Variants in PUDP observed in about 807,000 individuals in gnomAD.
PUDP encodes pseudouridine-5'-phosphatase.
PUDP carries 8 observed loss-of-function variants against 9.4 expected under a neutral mutation model. The ratio of observed to expected loss-of-function variants is 0.85; its 90% CI spans 0.50 to 1.53. The LOEUF (loss-of-function observed/expected upper bound fraction) is 1.53. Ranked by LOEUF, PUDP falls within the 40% of genes most tolerant of loss-of-function variation. The pLI, the probability that PUDP is intolerant of heterozygous loss-of-function variation, is 0.00. For synonymous variants in PUDP, 99 were observed against 80.7 expected (o/e 1.23, Z -1.22); for missense variants, 188 against 189.7 (o/e 0.99, Z 0.05).
At chrX:7,055,206 C>T (rs1422481723) in intron 3 of PUDP, among the ~76,000 whole-genome samples, 2 of 111,173 alleles carry the variant, frequency 1.8e-5, no homozygotes, top group Non-Finnish European at 3.8e-5. Flanking sequence ...CTACTGTGTC[C>T]TGAAGCACCT....
At position 7,105,648 on chromosome X, in the gene PUDP, T is replaced by C. The variant is rs758643472; in HGVS notation, c.252A>G (p.Glu84=). 1.1e-5 allele frequency: 13 copies of C among 1,207,300 alleles called. No individual in the cohort carries two copies. Among genetic ancestry groups the C allele is most frequent in the Non-Finnish European group, 1.2e-5 (11 of 894,169 alleles). The change falls in exon 2 of 4, where the codon GAA becomes GAG. Residue 84 remains glutamate, a synonymous_variant. Coordinates refer to ENST00000381077, the MANE Select transcript of PUDP (RefSeq NM_012080.5). Reference sequence around the variant, plus strand: ...GCATGAGCGCAGCCGTGGGGAACACTTCCTTTAACTTCGTTTGGCTTTCTT... The same window carrying C: ...GCATGAGCGCAGCCGTGGGGAACACCTCCTTTAACTTCGTTTGGCTTTCTT... ...LVEESQTKLK[E]VFPTAALMPG... is the part of the protein sequence containing the mutation.
chrX:6,953,520 GC>G (rs1056982063), intron 3 of PUDP, among the ~76,000 whole-genome samples: 2 of 109,666 alleles, frequency 1.8e-5, no homozygotes, highest in African/African-American at 6.6e-5. Flanking sequence ...ATTTCCTGAG[GC>G]CATAGGGAAA....
At chrX:6,750,361 C>A (rs984928888) in intron 3 of PUDP, among the ~76,000 whole-genome samples, 1 of 111,265 alleles carries the variant, frequency 9.0e-6, no homozygotes, top group Non-Finnish European at 1.9e-5. Context: ...TTGATTGGTA[C>A]CTTTGGAAAT....
intron 3 of PUDP, among the ~76,000 whole-genome samples, chrX:6,749,994 G>C (rs757684794): frequency 1.8e-5 from 2 of 112,113 alleles, no homozygotes; most frequent in African/African-American, 6.5e-5. Flanking sequence ...CCAAAGAGTC[G>C]AGTATAAAAT....
intron 3 of PUDP, among the ~76,000 whole-genome samples, chrX:6,794,162 G>A (rs1925799400): frequency 1.8e-5 from 2 of 112,054 alleles, no homozygotes; most frequent in Non-Finnish European, 3.8e-5. Flanking sequence ...CTTAACGATG[G>A]GGACACACTC....
At chrX:6,958,878 T>C (rs1190699071) in intron 3 of PUDP, among the ~76,000 whole-genome samples, 1 of 111,928 alleles carries the variant, frequency 8.9e-6, no homozygotes, top group Non-Finnish European at 1.9e-5. Flanking sequence ...CTGAATTGTG[T>C]CCATGTCCTA....
At chrX:6,860,552 C>A (rs1301117295) in intron 3 of PUDP, among the ~76,000 whole-genome samples, 1 of 109,136 alleles carries the variant, frequency 9.2e-6, no homozygotes. Flanking sequence ...CTCACTGCAA[C>A]CTCCTGCCTC....
At chrX:6,801,298 C>T (rs1925928882) in intron 3 of PUDP, among the ~76,000 whole-genome samples, 1 of 112,074 alleles carries the variant, frequency 8.9e-6, no homozygotes, top group Non-Finnish European at 1.9e-5. Context: ...ATGTGGCAGA[C>T]CCCAGTTTCT....
intron 1 of PUDP, among the ~76,000 whole-genome samples, chrX:7,124,403 A>G (rs780197123): frequency 1.8e-5 from 2 of 111,799 alleles, no homozygotes; most frequent in South Asian, 7.5e-4. Flanking sequence ...GAGGGAAATT[A>G]TGGCTACAAA....
At chrX:6,862,836 G>A (rs907475063) in intron 3 of PUDP, among the ~76,000 whole-genome samples, 5 of 110,851 alleles carry the variant, frequency 4.5e-5, no homozygotes, top group African/African-American at 1.6e-4. Flanking sequence ...TGGTGGATGG[G>A]GTGATGGTCG....
At chrX:6,942,199 C>A (rs1928409743) in intron 3 of PUDP, among the ~76,000 whole-genome samples, 1 of 111,971 alleles carries the variant, frequency 8.9e-6, no homozygotes, top group Non-Finnish European at 1.9e-5. Flanking sequence ...CCCACTATAT[C>A]TATAAAAATG....
At chrX:7,055,302 A>G (rs12844378) in intron 3 of PUDP, among the ~76,000 whole-genome samples, 21,349 of 110,457 alleles carry the variant, frequency 0.19, 1,901 homozygotes, top group Admixed American at 0.39. Flanking sequence ...CCCAGGCTGG[A>G]GTGCAATGGC....
intron 1 of PUDP, among the ~76,000 whole-genome samples, chrX:7,115,717 G>C (rs1932174598): frequency 8.9e-6 from 1 of 112,511 alleles, no homozygotes; most frequent in Non-Finnish European, 1.9e-5. Context: ...GTGGGCAACA[G>C]CTGTTTCACA....
chrX:6,840,267 G>A (rs1011698420), intron 3 of PUDP, among the ~76,000 whole-genome samples: 4 of 112,061 alleles, frequency 3.6e-5, no homozygotes, highest in African/African-American at 9.7e-5. Flanking sequence ...CCCCAGCCAC[G>A]TGGAACTGTG....
intron 1 of PUDP, among the ~76,000 whole-genome samples, chrX:7,131,341 G>A (rs1341914273): frequency 2.7e-5 from 3 of 110,736 alleles, no homozygotes; most frequent in Non-Finnish European, 1.9e-5. Context: ...TAATCCCTAG[G>A]GCCCGAGAAT....
At chrX:6,767,909 G>A (rs187872566) in intron 3 of PUDP, among the ~76,000 whole-genome samples, 213 of 111,187 alleles carry the variant, frequency 1.9e-3, no homozygotes, top group African/African-American at 6.7e-3. Flanking sequence ...CGAATCTGGG[G>A]TGTCTCTGTG....
upstream of PUDP, among the ~76,000 whole-genome samples, chrX:6,724,511 A>G (rs1411690334): frequency 2.8e-5 from 3 of 107,787 alleles, no homozygotes; most frequent in Non-Finnish European, 3.8e-5. Context: ...CAAAAAAAAA[A>G]AAAAAAAAAA....
At chrX:6,731,808 G>A (rs902203608) in intron 3 of PUDP, among the ~76,000 whole-genome samples, 2 of 107,827 alleles carry the variant, frequency 1.9e-5, no homozygotes, top group Non-Finnish European at 3.9e-5. Flanking sequence ...GACGGCGGAA[G>A]GAAGGAAGGA....
At chrX:6,838,910 C>T (rs1001677758) in intron 3 of PUDP, among the ~76,000 whole-genome samples, 1 of 112,173 alleles carries the variant, frequency 8.9e-6, no homozygotes, top group Admixed American at 9.4e-5. Flanking sequence ...TTCAGCTGGG[C>T]TCTTGGGGTC....
Sources: allele counts gnomAD v4.1 joint callset (sites outside exome capture counted in the v4.1 genomes callset), GRCh38; gene constraint gnomAD v4.1.1; transcripts MANE v1.5; gene names NCBI Gene and HGNC (gene_info 2026-07-23, HGNC 2026-07-21).